The following FURIN variants were observed in gnomAD, a reference collection of about 807,000 sequenced individuals.
FURIN encodes the protein furin, paired basic amino acid cleaving enzyme, also known as FES upstream region.
In FURIN, 18 loss-of-function variants were observed where a neutral mutation model predicts 89.2. The ratio of observed to expected loss-of-function variants is 0.20; its 90% CI spans 0.14 to 0.30. The LOEUF (loss-of-function observed/expected upper bound fraction) is 0.30. FURIN is among the 10% of genes least tolerant of loss of function. The pLI is 1.00. For missense variants in FURIN, 879 were observed against 1,100.5 expected, an observed-to-expected ratio of 0.80 and a Z score of 2.85; for synonymous variants, 508 against 466.4, an observed-to-expected ratio of 1.09 and a Z score of -1.15.
rs577668112 is a variant in FURIN, at chr15:90,881,364, A to G, written c.1871A>G (p.Asp624Gly). The change falls in exon 16 of 16, where the codon GAT becomes GGT. Residue 624 changes from aspartate to glycine, a missense_variant. Physicochemically the swap from Asp to Gly is moderately conservative, Grantham distance 94. Transcript: ENST00000268171. The surrounding 1 kb of genome is among the most constrained non-coding windows in gnomAD (Gnocchi z 4.3). ...CCAGGGTTCGCCCCCCAAGTCCTCGATACGCACTATAGCACCGAGAATGAC... is the reference window on the plus strand; with the variant it reads ...CCAGGGTTCGCCCCCCAAGTCCTCGGTACGCACTATAGCACCGAGAATGAC... ...CPPGFAPQVLDTHYSTENDVE... is the reference protein window; with the variant it reads ...CPPGFAPQVLGTHYSTENDVE... 2 of 1,612,974 alleles carry G rather than the reference A, an allele frequency of 1.2e-6. No homozygotes were observed. Among genetic ancestry groups the G allele is most frequent in the East Asian group, 2.2e-5 (1 of 44,874 alleles).
In FURIN at chr15:90,877,035, C is replaced by T. The variant is rs1188064947; in HGVS notation, c.501+11C>T. 9.9e-6 allele frequency: 16 copies of T among 1,613,944 alleles called. No individual in the cohort carries two copies. The highest frequency in any genetic ancestry group is 4.4e-5 in the South Asian group (4 of 91,056). On this transcript the variant is annotated intron_variant, in intron 5 of 15. Transcript: ENST00000268171. ...TTGGCAGGCAATTATGTGAGGAAGT[C>T]GGGGAGGGAGGCCGTGATCCCTGCT...
In FURIN at chr15:90,877,625, G is replaced by A. The variant is rs761534149; in HGVS notation, c.667+10G>A. The A allele has an allele frequency of 8.4e-6, 13 of 1,547,662 alleles. No homozygotes were observed. The South Asian group carries it at 1.3e-4, about 16-fold the overall frequency. The stretch of plus-strand genomic sequence containing the variant: ...AACGCCCGCATTGGAGGTGAGTGTG[G>A]GCCTGGGCCACCCTGTCTTCAGGAG... On this transcript the variant is annotated intron_variant, in intron 7 of 15. Coordinates refer to ENST00000268171, the MANE Select transcript of FURIN (RefSeq NM_002569.4).
rs1217353836 is a variant in FURIN, at chr15:90,881,050, G to A, written c.1792+10G>A. On this transcript the variant is annotated intron_variant, in intron 15 of 15. Coordinates refer to ENST00000268171, the MANE Select transcript of FURIN (RefSeq NM_002569.4). The surrounding 1 kb of genome is among the most constrained non-coding windows in gnomAD (Gnocchi z 4.3). ...AGTCAGGCCTGTGTGGGTCAGTAGT[G>A]GGTGCTGTTGGGCTTTGGGGGCCTG... 8 of 1,581,598 alleles carry A rather than the reference G, an allele frequency of 5.1e-6. No homozygotes were observed. In the South Asian group the frequency reaches 6.6e-5, roughly 13 times the overall value.
In FURIN at chr15:90,876,793, G is replaced by A; in HGVS notation, c.373-103G>A. 2 of 1,275,530 alleles carry A rather than the reference G, an allele frequency of 1.6e-6. No homozygotes were observed. The highest frequency in any genetic ancestry group is 2.2e-6 in the Non-Finnish European group (2 of 894,996). 79.0% of individuals were successfully genotyped at this position (1,275,530 alleles called of 1,614,324 possible). ...GTGGCGGCCTTTCAGGAGCAGGGAT[G>A]GTACAGGAGGAGGTTTTACGGGGGC... On this transcript the variant is annotated intron_variant, in intron 4 of 15. Transcript: ENST00000268171. The surrounding 1 kb of genome is among the most constrained non-coding windows in gnomAD (Gnocchi z 5.0).
chr15:90,876,446 C>G lies in FURIN; in HGVS notation c.277-16C>G. The G allele has an allele frequency of 6.3e-7, 1 of 1,599,680 alleles. No homozygotes were observed. The highest frequency in any genetic ancestry group is 8.6e-7 in the Non-Finnish European group (1 of 1,166,894). On this transcript the variant is annotated splice_polypyrimidine_tract_variant and intron_variant, in intron 3 of 15. Transcript: ENST00000268171. This position sits in a 1 kb window ranked among gnomAD's most constrained non-coding sequence, Gnocchi z 5.0. ...TCCTGCTCCACCCACACCATCTCTCCCTCACTCCCCCACAGGTACAGTGGC... is the reference window on the plus strand; with the variant it reads ...TCCTGCTCCACCCACACCATCTCTCGCTCACTCCCCCACAGGTACAGTGGC...
In FURIN at chr15:90,875,935, G is replaced by A; in HGVS notation, c.177+18G>A. On this transcript the variant is annotated intron_variant, in intron 2 of 15. Coordinates refer to ENST00000268171, the MANE Select transcript of FURIN (RefSeq NM_002569.4). Reference sequence around the variant, plus strand: ...TGGGCCAGGTAGGTGTTCCCCCACAGGACACTGCCAGGGGGTGGGACCAGA... The same window carrying A: ...TGGGCCAGGTAGGTGTTCCCCCACAAGACACTGCCAGGGGGTGGGACCAGA... 1.3e-6 allele frequency: 2 copies of A among 1,555,680 alleles called. No homozygotes were observed. Among genetic ancestry groups the A allele is most frequent in the Non-Finnish European group, 1.7e-6 (2 of 1,148,242 alleles).
rs567624479 is a variant in FURIN at position 90,878,113 on chromosome 15, G to GC, written c.668-12dup. ...GGACCCATGCAGCATCCCTCTTCGT[G>GC]CCCCCCCTTCACGGCCAGGGGTGCG... On this transcript the variant is annotated intron_variant, in intron 7 of 15. Transcript: ENST00000268171. 3.0e-3 allele frequency: 4,866 copies of GC among 1,612,760 alleles called. 13 individuals are homozygous for GC. Among genetic ancestry groups the GC allele is most frequent in the Non-Finnish European group, 3.8e-3 (4,448 of 1,179,630 alleles).
chr15:90,874,481 G>A (rs1261953364), intron 1 of FURIN, among the ~76,000 whole-genome samples: 6 of 152,202 alleles, frequency 3.9e-5, no homozygotes, highest in South Asian at 2.1e-4. Context: ...TGCTGATAGC[G>A]GCCATCTCAG....
At chr15:90,871,493 A>AGGC (rs2031289015) in intron 1 of FURIN, 1 of 2,932 alleles carries the variant, frequency 3.4e-4, no homozygotes, top group Non-Finnish European at 8.9e-4. Context: ...GCTGGGGCCC[A>AGGC]CGGCGCTGGG....
chr15:90,878,134 G>T lies in FURIN; in HGVS notation c.670G>T (p.Val224Leu). ...TCGTGCCCCCCCTTCACGGCCAGGGGTGCGCATGCTGGATGGCGAGGTGAC... is the reference window on the plus strand; with the variant it reads ...TCGTGCCCCCCCTTCACGGCCAGGGTTGCGCATGCTGGATGGCGAGGTGAC... ...GVAYNARIGGVRMLDGEVTDA... is the reference protein window; with the variant it reads ...GVAYNARIGGLRMLDGEVTDA... Residue 224 changes from valine to leucine, a missense_variant and splice_region_variant, in exon 8 of 16, where the codon GTG becomes TTG. Physicochemically the swap from Val to Leu is conservative, Grantham distance 32. Around this residue, in one of 5 missense-constraint regions of FURIN, gnomAD observed 139 missense variants for 215.0 expected, o/e 0.65. Coordinates refer to ENST00000268171, the MANE Select transcript of FURIN (RefSeq NM_002569.4). 6.2e-7 allele frequency: 1 copy of T among 1,613,784 alleles called. No individual in the cohort carries two copies. Among genetic ancestry groups the T allele is most frequent in the Non-Finnish European group, 8.5e-7 (1 of 1,180,020 alleles).
rs1418451047 is a variant in FURIN, at chr15:90,881,780, C to T, written c.2287C>T (p.Pro763Ser). ...TGGCCTCATCTCCTACAAGGGGCTG[C>T]CCCCTGAAGCCTGGCAGGAGGAGTG... ...DRGLISYKGLPPEAWQEECPS... is the reference protein window; with the variant it reads ...DRGLISYKGLSPEAWQEECPS... Residue 763 changes from proline to serine, a missense_variant, in exon 16 of 16, where the codon CCC becomes TCC. Physicochemically the swap from Pro to Ser is moderately conservative, Grantham distance 74. This residue lies in a region of FURIN where 457 missense variants were observed against 490.7 expected (regional missense o/e 0.93). Coordinates refer to ENST00000268171, the MANE Select transcript of FURIN (RefSeq NM_002569.4). The surrounding 1 kb of genome is among the most constrained non-coding windows in gnomAD (Gnocchi z 4.3). 3 of 1,613,116 alleles carry T rather than the reference C, an allele frequency of 1.9e-6. No homozygotes were observed. Among genetic ancestry groups the T allele is most frequent in the Admixed American group, 3.3e-5 (2 of 59,870 alleles).
intron 1 of FURIN, among the ~76,000 whole-genome samples, chr15:90,873,638 G>T (rs528846641): frequency 1.3e-5 from 2 of 152,200 alleles, no homozygotes; most frequent in African/African-American, 4.8e-5. Context: ...CTTGGGGTGG[G>T]GGGGGCGGTC....
Position 90,875,738 on chromosome 15 carries a change from C to G in FURIN, c.-3C>G, listed in dbSNP as rs773258111. The G allele has an allele frequency of 9.1e-6, 14 of 1,537,560 alleles. No individual in the cohort carries two copies. Among genetic ancestry groups the G allele is most frequent in the Admixed American group, 2.0e-5 (1 of 49,848 alleles). ...TCCAGGGTCCCAGCCACCTGTCCCC[C>G]CCATGGAGCTGAGGCCCTGGTTGCT... is the stretch of plus-strand genomic sequence containing the variant. On this transcript the variant is annotated 5_prime_UTR_variant, in exon 2 of 16. Transcript: ENST00000268171.
At position 90,878,311 on chromosome 15, in the gene FURIN, TG is replaced by T; in HGVS notation, c.840+11del. ...CTTCCGTGGGGTTAGCCAGGTGAGG[TG>T]GGGATCTGTCCAGCCCCTGCGGGCA... is the stretch of plus-strand genomic sequence containing the variant. On this transcript the variant is annotated splice_region_variant and intron_variant, in intron 8 of 15. Transcript: ENST00000268171. 1 of 1,583,138 alleles carries T rather than the reference TG, an allele frequency of 6.3e-7. No individual in the cohort carries two copies. Among genetic ancestry groups the T allele is most frequent in the Non-Finnish European group, 8.6e-7 (1 of 1,162,136 alleles).
chr15:90,877,403 G>A, intron 6 of FURIN, 124 bp from the exon 7 acceptor site: 1 of 909,858 alleles, frequency 1.1e-6, no homozygotes, highest in Non-Finnish European at 1.7e-6. Flanking sequence ...GTGGGAGATG[G>A]GGGCTGGGTA....
intron 8 of FURIN, among the ~76,000 whole-genome samples, 188 bp downstream of exon 8, chr15:90,878,492 C>A (rs766140789): frequency 2.0e-5 from 3 of 152,210 alleles, no homozygotes; most frequent in African/African-American, 7.2e-5. Context: ...TTAAAAAACA[C>A]ATTTTTTTTA....
chr15:90,882,894 G>T lies in FURIN; in HGVS notation c.*1016G>T, dbSNP rs575803272. ...GCTGCCCTGGCCCTGAGGTGTGGGG[G>T]CTGCAGCATGTTGCTGAGGAGTGAG... is the stretch of plus-strand genomic sequence containing the variant. On this transcript the variant is annotated 3_prime_UTR_variant, in exon 16 of 16. Transcript: ENST00000268171. The T allele has an allele frequency of 1.5e-4, 23 of 152,732 alleles. No individual in the cohort carries two copies. The South Asian group carries it at 4.3e-3, about 29-fold the overall frequency. 9.5% of individuals were successfully genotyped at this position (152,732 alleles called of 1,614,324 possible).
At chr15:90,879,066 C>T in intron 9 of FURIN, 90 bp downstream of exon 9, 1 of 806,858 alleles carries the variant, frequency 1.2e-6, no homozygotes, top group South Asian at 1.7e-5. Flanking sequence ...CTGCCTCCAC[C>T]CCCATGTGGC....
rs2031941471 is a variant in FURIN, at chr15:90,881,133, C to G, written c.1792+93C>G. On this transcript the variant is annotated intron_variant, in intron 15 of 15. Coordinates refer to ENST00000268171, the MANE Select transcript of FURIN (RefSeq NM_002569.4). This position sits in a 1 kb window ranked among gnomAD's most constrained non-coding sequence, Gnocchi z 4.3. ...GCCCAGCTCTAACAGAAAAAAGTCT[C>G]AAGAGACCTAGGGCCCCTGGGGCTC... The G allele has an allele frequency of 1.7e-6, 2 of 1,167,232 alleles. No individual in the cohort carries two copies. The highest frequency in any genetic ancestry group is 1.5e-5 in the African/African-American group (1 of 65,590). 72.3% of individuals were successfully genotyped at this position (1,167,232 alleles called of 1,614,324 possible).
Sources: allele counts gnomAD v4.1 joint callset (sites outside exome capture counted in the v4.1 genomes callset), GRCh38; gene constraint gnomAD v4.1.1; regional missense constraint gnomAD v4.1.1; non-coding constraint Gnocchi (gnomAD v3.1); transcripts MANE v1.5; gene names NCBI Gene and HGNC (gene_info 2026-07-23, HGNC 2026-07-21).